Variants in ACOXL observed in about 807,000 individuals in gnomAD.
ACOXL encodes acyl-coenzyme A oxidase-like protein.
A neutral mutation model predicts 71.9 loss-of-function variants in ACOXL; 70 were observed. The observed-to-expected ratio is 0.97, with a 90% CI of 0.80 to 1.19. The LOEUF is 1.19. ACOXL is among the 50% of genes most tolerant of loss of function. The probability of loss-of-function intolerance (pLI) is 0.00; values close to 1 mark genes in which losing one functional copy is unlikely to be tolerated. For missense variants in ACOXL, 703 were observed against 736.3 expected (o/e 0.95, Z 0.52); for synonymous variants, 253 against 281.6 (o/e 0.90, Z 1.02).
chr2:110,979,519 G>C (rs535973931), intron 12 of ACOXL, among the ~76,000 whole-genome samples: 1 of 152,280 alleles, frequency 6.6e-6, no homozygotes, highest in East Asian at 1.9e-4. Context: ...GAGAAGTTTG[G>C]GCCAGAAGTC....
intron 1 of ACOXL, among the ~76,000 whole-genome samples, chr2:110,763,851 A>G (rs1353749541): frequency 2.0e-5 from 3 of 152,340 alleles, no homozygotes; most frequent in East Asian, 3.9e-4. Flanking sequence ...CAACAATAAG[A>G]AAACAAACAA....
At chr2:111,000,095 G>A (rs2063553894) in intron 14 of ACOXL, among the ~76,000 whole-genome samples, 1 of 152,324 alleles carries the variant, frequency 6.6e-6, no homozygotes. Flanking sequence ...TTTGAGAAGA[G>A]TCCTAGTAGA....
chr2:111,053,368 A>G (rs1056822277), intron 16 of ACOXL, among the ~76,000 whole-genome samples: 1 of 147,816 alleles, frequency 6.8e-6, no homozygotes, highest in African/African-American at 2.7e-5. Flanking sequence ...TCATCCAAAC[A>G]TGGATTTTGT....
chr2:110,841,435 G>A, intron 10 of ACOXL, 30 bp downstream of exon 10: 1 of 1,586,866 alleles, frequency 6.3e-7, no homozygotes, highest in African/African-American at 1.3e-5. Context: ...TTTCTTTTAA[G>A]AATTATCCTT....
At chr2:110,959,857 T>C (rs1025473323) in intron 12 of ACOXL, among the ~76,000 whole-genome samples, 4 of 152,110 alleles carry the variant, frequency 2.6e-5, no homozygotes, top group Non-Finnish European at 5.9e-5. Context: ...AAGACCAGGA[T>C]CTCAGAGTCA....
At chr2:110,991,797 GT>G (rs1293222356) in intron 13 of ACOXL, among the ~76,000 whole-genome samples, 1 of 152,118 alleles carries the variant, frequency 6.6e-6, no homozygotes, top group African/African-American at 2.4e-5. Flanking sequence ...TGGAGTCTCT[GT>G]TAGTTTAAAT....
chr2:111,118,172 C>T lies in ACOXL; in HGVS notation c.*356C>T, dbSNP rs1022626654. ...GCCGCCAAAGGTCTCCTGCTGTTAGCGGTGACTCACATTCCCAGTGATTTA... is the reference window on the plus strand; with the variant it reads ...GCCGCCAAAGGTCTCCTGCTGTTAGTGGTGACTCACATTCCCAGTGATTTA... On this transcript the variant is annotated 3_prime_UTR_variant, in exon 18 of 18. Coordinates refer to ENST00000439055, the MANE Select transcript of ACOXL (RefSeq NM_001142807.4). 2.2e-4 allele frequency: 80 copies of T among 371,352 alleles called. No homozygotes were observed. Among genetic ancestry groups the T allele is most frequent in the Non-Finnish European group, 3.3e-4 (68 of 204,942 alleles). 23.0% of individuals were successfully genotyped at this position (371,352 alleles called of 1,614,324 possible).
At chr2:110,952,957 T>G (rs1486788562) in intron 12 of ACOXL, among the ~76,000 whole-genome samples, 1 of 152,236 alleles carries the variant, frequency 6.6e-6, no homozygotes, top group Non-Finnish European at 1.5e-5. Flanking sequence ...TTAATTTCCA[T>G]AGTGACTTTA....
At chr2:110,965,028 C>G (rs2061866275) in intron 12 of ACOXL, among the ~76,000 whole-genome samples, 1 of 152,166 alleles carries the variant, frequency 6.6e-6, no homozygotes, top group South Asian at 2.1e-4. Flanking sequence ...CGCTTTACTG[C>G]TATGAGATCA....
chr2:111,038,796 A>C (rs2065644875), intron 15 of ACOXL, among the ~76,000 whole-genome samples: 1 of 152,256 alleles, frequency 6.6e-6, no homozygotes, highest in African/African-American at 2.4e-5. Context: ...CATACATTTA[A>C]ATTTAGGTTT....
At chr2:110,973,047 C>T (rs1236718339) in intron 12 of ACOXL, among the ~76,000 whole-genome samples, 1 of 152,246 alleles carries the variant, frequency 6.6e-6, no homozygotes, top group Non-Finnish European at 1.5e-5. Flanking sequence ...GATGAAATCT[C>T]AGGCTAGCAG....
At chr2:110,943,342 G>A (rs1481109074) in intron 12 of ACOXL, among the ~76,000 whole-genome samples, 1 of 151,708 alleles carries the variant, frequency 6.6e-6, no homozygotes, top group Admixed American at 6.6e-5. Context: ...AGGAAGGAGG[G>A]AAGGGGAAGG....
At chr2:110,785,449 A>G (rs917255332) in intron 3 of ACOXL, among the ~76,000 whole-genome samples, 2 of 151,724 alleles carry the variant, frequency 1.3e-5, no homozygotes, top group African/African-American at 4.8e-5. Flanking sequence ...CCACCACCAC[A>G]ATCAAGATAT....
rs184044188 is a variant in ACOXL, at chr2:110,797,753, G to A, written c.346-857G>A. Among the ~76,000 whole-genome samples the A allele has an allele frequency of 1.1e-3, 165 of 152,310 alleles. 1 individual carries two copies. Among genetic ancestry groups the A allele is most frequent in the African/African-American group, 3.7e-3 (152 of 41,568 alleles). ...GACAAGCCATCTAAGGGCCCAGATC[G>A]TTGGATATTCCATCCTTTCTTAGAA... is the stretch of plus-strand genomic sequence containing the variant. On this transcript the variant is annotated intron_variant, in intron 5 of 17. Transcript: ENST00000439055.
rs563834977 is a variant in ACOXL, at chr2:111,025,394, C to G, written c.1282-6233C>G. On this transcript the variant is annotated intron_variant, in intron 14 of 17. Coordinates refer to ENST00000439055, the MANE Select transcript of ACOXL (RefSeq NM_001142807.4). ...TCTATAGGTATAGGTTTAACTTAAT[C>G]AGAAATTGCCCAGCTGTTTCTAAAG... 7.1e-4 allele frequency among the ~76,000 whole-genome samples: 108 copies of G among 152,300 alleles called. 4 individuals carry two copies. The South Asian group carries it at 0.017, about 24-fold the overall frequency.
intron 9 of ACOXL, among the ~76,000 whole-genome samples, chr2:110,835,087 A>G (rs1186447689): frequency 2.6e-5 from 4 of 152,342 alleles, no homozygotes; most frequent in East Asian, 1.9e-4. Flanking sequence ...CTAGGTTTCA[A>G]TGTTAGTTCT....
intron 10 of ACOXL, among the ~76,000 whole-genome samples, chr2:110,903,360 A>G (rs2059320471): frequency 6.6e-6 from 1 of 152,250 alleles, no homozygotes; most frequent in Non-Finnish European, 1.5e-5. Context: ...GAAATAAAAC[A>G]ACCCAAAATA....
At chr2:110,794,389 A>G (rs990962665) in intron 5 of ACOXL, among the ~76,000 whole-genome samples, 2 of 152,216 alleles carry the variant, frequency 1.3e-5, no homozygotes, top group Non-Finnish European at 2.9e-5. Context: ...CTTTGAGGCA[A>G]TATGGTGCCT....
chr2:110,918,452 A>G (rs2059944091), intron 11 of ACOXL, among the ~76,000 whole-genome samples: 3 of 152,232 alleles, frequency 2.0e-5, no homozygotes, highest in Admixed American at 1.3e-4. Flanking sequence ...TCAAAATCCT[A>G]GAAGACAACC....
Sources: allele counts gnomAD v4.1 joint callset (sites outside exome capture counted in the v4.1 genomes callset), GRCh38; gene constraint gnomAD v4.1.1; transcripts MANE v1.5; gene names NCBI Gene and HGNC (gene_info 2026-07-23, HGNC 2026-07-21).